MMAA: variants seen among roughly 807,000 people sequenced by gnomAD.
MMAA encodes metabolism of cobalamin associated A, also known as methylmalonic aciduria type A protein, mitochondrial.
Under a neutral mutation model 45.0 loss-of-function variants are expected in MMAA, and 41 were observed. The observed-to-expected ratio is 0.91, with a 90% CI of 0.71 to 1.18. The LOEUF (loss-of-function observed/expected upper bound fraction) is 1.18, where lower values mean the gene tolerates loss of function less well. Ranked by LOEUF, MMAA falls within the 50% of genes most tolerant of loss-of-function variation. The pLI is 0.00. For missense variants in MMAA, 460 were observed against 495.7 expected, an observed-to-expected ratio of 0.93 and a Z score of 0.68; for synonymous variants, 154 against 178.2, an observed-to-expected ratio of 0.86 and a Z score of 1.08.
intron 1 of MMAA, chr4:145,626,058 A>T: frequency 9.4e-7 from 1 of 1,062,204 alleles, no homozygotes; most frequent in South Asian, 1.6e-5. Context: ...TCCAGGTCCC[A>T]GTGCCTCTCT....
chr4:145,659,406 A>G lies in MMAA; in HGVS notation c.*3972A>G, dbSNP rs1442097585. 6.6e-6 allele frequency: 1 copy of G among 152,180 alleles called. No homozygotes were observed. The highest frequency in any genetic ancestry group is 2.4e-5 in the African/African-American group (1 of 41,440). 9.4% of individuals were successfully genotyped at this position (152,180 alleles called of 1,614,324 possible). A position where few individuals can be genotyped will look rare whatever the true frequency, so the allele number is the denominator to read the frequency against. ...ATGATGTGAGTCAAAGTTCATTAAT[A>G]TTTACCTGAAAATTTGTGTATAAAG... On this transcript the variant is annotated 3_prime_UTR_variant, in exon 7 of 7. Transcript: ENST00000649156.
In MMAA at chr4:145,639,198, C is replaced by T; in HGVS notation, c.59C>T (p.Pro20Leu). ...QHFLKGLLRAPFRCYHFIFHS... is the reference protein window; with the variant it reads ...QHFLKGLLRALFRCYHFIFHS... ...TTCCTAAAAGGCCTTTTAAGAGCAC[C>T]TTTCCGATGTTACCACTTCATCTTT... is the stretch of plus-strand genomic sequence containing the variant. The change falls in exon 2 of 7, where the codon CCT becomes CTT. Residue 20 changes from proline (P) to leucine (L), a missense_variant. By Grantham distance (98) the Pro-to-Leu change is moderately conservative (BLOSUM62 -3). Coordinates refer to ENST00000649156, the MANE Select transcript of MMAA (RefSeq NM_172250.3). 5 of 1,614,170 alleles carry T rather than the reference C, an allele frequency of 3.1e-6. No individual in the cohort carries two copies. The highest frequency in any genetic ancestry group is 4.2e-6 in the Non-Finnish European group (5 of 1,180,030).
chr4:145,655,462 C>A lies in MMAA; in HGVS notation c.*28C>A. ...AAATTCATCCTGTATAATAATTTTA[C>A]ATATCATTTCATAAAGTATTTTAAT... On this transcript the variant is annotated 3_prime_UTR_variant, in exon 7 of 7. Transcript: ENST00000649156. 3 of 1,548,200 alleles carry A rather than the reference C, an allele frequency of 1.9e-6. No homozygotes were observed. The highest frequency in any genetic ancestry group is 2.6e-6 in the Non-Finnish European group (3 of 1,132,794).
At position 145,655,362 on chromosome 4, in the gene MMAA, G is replaced by A; in HGVS notation, c.1185G>A (p.Lys395=). 1 of 1,614,124 alleles carries A rather than the reference G, an allele frequency of 6.2e-7. No homozygotes were observed. Among genetic ancestry groups the A allele is most frequent in the Non-Finnish European group, 8.5e-7 (1 of 1,180,012 alleles). Residue 395 remains lysine (K), a synonymous_variant, in exon 7 of 7, where the codon AAG becomes AAA. Coordinates refer to ENST00000649156, the MANE Select transcript of MMAA (RefSeq NM_172250.3). ...AACAGATTCCACTTCTGGAACAAAA[G>A]GTTCTCATTGGGGCCCTGTCCCCAG... ...VREQIPLLEQ[K]VLIGALSPGL...
chr4:145,642,772 A>G (rs899708100), intron 3 of MMAA: 7 of 405,904 alleles, frequency 1.7e-5, no homozygotes, highest in East Asian at 1.6e-4. Context: ...TTCAGCTTCC[A>G]TGCATAAGGC....
rs185541614 is a variant in MMAA, at chr4:145,656,238, T to A, written c.*804T>A. The A allele has an allele frequency of 6.6e-6, 1 of 152,330 alleles. No homozygotes were observed. Among genetic ancestry groups the A allele is most frequent in the Non-Finnish European group, 1.5e-5 (1 of 68,042 alleles). The allele number at this position is 152,330 out of a possible 1,614,324, so 9.4% of individuals were successfully genotyped here. ...TCTTCCTTGGCCATTTCACTTCATT[T>A]TAGTATTTTAAAAATCTTTTTTCTT... On this transcript the variant is annotated 3_prime_UTR_variant, in exon 7 of 7. Coordinates refer to ENST00000649156, the MANE Select transcript of MMAA (RefSeq NM_172250.3).
chr4:145,654,032 A>G lies in MMAA; in HGVS notation c.858A>G (p.Val286=), dbSNP rs142063642. The G allele has an allele frequency of 3.7e-6, 6 of 1,614,192 alleles. No individual in the cohort carries two copies. The highest frequency in any genetic ancestry group is 4.2e-6 in the Non-Finnish European group (5 of 1,180,020). Reference sequence around the variant, plus strand: ...GTATAATCGAGATGGCAGATCTGGTAGCTGTAACTAAATCTGATGGAGACT... The same window carrying G: ...GTATAATCGAGATGGCAGATCTGGTGGCTGTAACTAAATCTGATGGAGACT... ...KRGIIEMADL[V]AVTKSDGDLI... Residue 286 remains valine, a synonymous_variant, in exon 6 of 7, where the codon GTA becomes GTG. Coordinates refer to ENST00000649156, the MANE Select transcript of MMAA (RefSeq NM_172250.3).
chr4:145,624,877 G>C, intron 1 of MMAA: 1 of 1,606,994 alleles, frequency 6.2e-7, no homozygotes. Flanking sequence ...ACCATGCTGG[G>C]GGTGTACAAT....
chr4:145,629,182 G>A (rs1330404408), intron 1 of MMAA, among the ~76,000 whole-genome samples: 1 of 152,116 alleles, frequency 6.6e-6, no homozygotes, highest in East Asian at 1.9e-4. Context: ...CCAGGCTGGA[G>A]TGCAGTGGCA....
At position 145,656,324 on chromosome 4, in the gene MMAA, G is replaced by A. The variant is rs771012374; in HGVS notation, c.*890G>A. ...GGCATAGCACAGTGATTAAGAGCTT[G>A]GGCTCTGTAGTTGGACTATGTGGGT... On this transcript the variant is annotated 3_prime_UTR_variant, in exon 7 of 7. Transcript: ENST00000649156. The A allele has an allele frequency of 4.6e-5, 7 of 152,138 alleles. No homozygotes were observed. The highest frequency in any genetic ancestry group is 1.0e-4 in the Non-Finnish European group (7 of 68,018). 9.4% of individuals were successfully genotyped at this position (152,138 alleles called of 1,614,324 possible). A position where few individuals can be genotyped will look rare whatever the true frequency, so the allele number is the denominator to read the frequency against.
At chr4:145,622,550 C>T (rs1047943313) in intron 1 of MMAA, among the ~76,000 whole-genome samples, 8 of 151,888 alleles carry the variant, frequency 5.3e-5, no homozygotes, top group African/African-American at 9.7e-5. Context: ...GCCATATTCT[C>T]GGGAATCATG....
chr4:145,632,632 A>T (rs1286401086), intron 1 of MMAA, among the ~76,000 whole-genome samples: 1 of 152,160 alleles, frequency 6.6e-6, no homozygotes, highest in African/African-American at 2.4e-5. Flanking sequence ...TAAGGCCAAT[A>T]GCTCTTAGAT....
chr4:145,619,906 G>T lies in MMAA; in HGVS notation c.-66+499G>T, dbSNP rs368929891. On this transcript the variant is annotated intron_variant, in intron 1 of 6. Coordinates refer to ENST00000649156, the MANE Select transcript of MMAA (RefSeq NM_172250.3). ...AAGTTACAAACAGTATCTAGGTTCC[G>T]TCACATGGCGTGCCGGGCAGGGTCT... Among the ~76,000 whole-genome samples the T allele has an allele frequency of 2.2e-4, 33 of 152,276 alleles. No homozygotes were observed. In the East Asian group the frequency reaches 4.4e-3, roughly 20 times the overall value.
At chr4:145,633,901 A>G (rs539536801) in intron 1 of MMAA, among the ~76,000 whole-genome samples, 1 of 152,348 alleles carries the variant, frequency 6.6e-6, no homozygotes, top group East Asian at 1.9e-4. Flanking sequence ...TTCTCTTCCC[A>G]TACTTTCTCC....
chr4:145,628,846 T>A (rs1326728370), intron 1 of MMAA, among the ~76,000 whole-genome samples: 1 of 152,182 alleles, frequency 6.6e-6, no homozygotes, highest in East Asian at 1.9e-4. Flanking sequence ...CCTCTGTAGA[T>A]GAAGTTATAT....
intron 1 of MMAA, among the ~76,000 whole-genome samples, chr4:145,630,553 AC>A (rs1375456139): frequency 6.6e-6 from 1 of 151,920 alleles, no homozygotes. Flanking sequence ...ACATGGAGAA[AC>A]CCCATCTCTA....
intron 3 of MMAA, chr4:145,642,913 C>T (rs1414979934): frequency 1.2e-5 from 3 of 240,174 alleles, no homozygotes; most frequent in East Asian, 9.4e-5. Context: ...AAAAACCTTA[C>T]TGCTGTTTAT....
intron 1 of MMAA, among the ~76,000 whole-genome samples, chr4:145,635,101 AGTCCACTG>A (rs1478164261): frequency 6.6e-6 from 1 of 151,952 alleles, no homozygotes; most frequent in Non-Finnish European, 1.5e-5. Context: ...GAAACCCCCT[AGTCCACTG>A]GCTCTGGGCT....
chr4:145,640,273 C>T (rs1271026791), intron 2 of MMAA, among the ~76,000 whole-genome samples: 1 of 151,954 alleles, frequency 6.6e-6, no homozygotes, highest in Non-Finnish European at 1.5e-5. Flanking sequence ...CTACCATGCC[C>T]AGCTAATTTT....
Sources: gnomAD v4.1 joint callset for allele counts (sites outside exome capture counted in the v4.1 genomes callset) on GRCh38, gnomAD v4.1.1 for gene constraint, MANE v1.5 for transcripts, NCBI Gene and HGNC (gene_info 2026-07-23, HGNC 2026-07-21) for gene names.